SYT17: variants seen among roughly 807,000 people sequenced by gnomAD.
The protein encoded by SYT17 is synaptotagmin 17.
In SYT17, 22 loss-of-function variants were observed where a neutral mutation model predicts 46.7. That is an observed-to-expected ratio of 0.47 (90% confidence interval 0.34 to 0.67). SYT17 has a LOEUF of 0.67. Among genes scored for constraint, SYT17 ranks in the 30% least tolerant of loss-of-function variants. The pLI, the probability that SYT17 is intolerant of heterozygous loss-of-function variation, is 0.01. For missense variants in SYT17, 519 were observed against 612.8 expected (o/e 0.85, Z 1.62); for synonymous variants, 251 against 248.4 (o/e 1.01, Z -0.10).
chr16:19,203,008 C>G (rs1965524193), intron 5 of SYT17, among the ~76,000 whole-genome samples: 1 of 152,164 alleles, frequency 6.6e-6, no homozygotes, highest in South Asian at 2.1e-4. Flanking sequence ...AAGGTCTTTG[C>G]CAGCAACGGG....
intron 7 of SYT17, among the ~76,000 whole-genome samples, chr16:19,241,510 C>T (rs1384557073): frequency 3.9e-5 from 6 of 152,152 alleles, no homozygotes; most frequent in East Asian, 3.9e-4. Flanking sequence ...CATGCTGGAG[C>T]GTGCAGCCCT....
At chr16:19,231,769 C>T (rs190462512) in intron 7 of SYT17, among the ~76,000 whole-genome samples, 1 of 152,224 alleles carries the variant, frequency 6.6e-6, no homozygotes, top group African/African-American at 2.4e-5. Flanking sequence ...CTACTATGTA[C>T]CTGGCACCGT....
chr16:19,215,613 C>T (rs1387262529), intron 5 of SYT17, among the ~76,000 whole-genome samples: 1 of 152,194 alleles, frequency 6.6e-6, no homozygotes, highest in East Asian at 1.9e-4. Context: ...TGGGGCATCT[C>T]ACCATGTTTA....
chr16:19,208,884 CTTTTTTTTTTTT>C (rs1191498524), intron 5 of SYT17, among the ~76,000 whole-genome samples: 5 of 63,284 alleles, frequency 7.9e-5, no homozygotes, highest in East Asian at 3.6e-4. Flanking sequence ...CAAGGACCTT[CTTTTTTTTTTTT>C]TTTTTTTTTT....
chr16:19,256,442 A>ACACACACACG (rs1968571185), intron 7 of SYT17, among the ~76,000 whole-genome samples: 1 of 106,322 alleles, frequency 9.4e-6, no homozygotes, highest in African/African-American at 3.7e-5. Context: ...CTTCAAACAC[A>ACACACACACG]CACACACACA....
Position 19,252,458 on chromosome 16 carries a change from CATATATATAT to C in SYT17, c.1229-14420_1229-14411del, listed in dbSNP as rs1332187945. Among the ~76,000 whole-genome samples the C allele has an allele frequency of 6.9e-4, 4 of 5,802 alleles. 1 individual carries two copies. The highest frequency in any genetic ancestry group is 5.0e-3 in the African/African-American group (3 of 606). 3.8% of individuals were successfully genotyped at this position (5,802 alleles called of 152,430 possible). A position where few individuals can be genotyped will look rare whatever the true frequency, so the allele number is the denominator to read the frequency against. ...ATATACATATATATACACATATATA[CATATATATAT>C]ACATATATATATACATATATATATA... On this transcript the variant is annotated intron_variant, in intron 7 of 7. Transcript: ENST00000355377.
chr16:19,190,699 C>T (rs1964977277), intron 5 of SYT17, among the ~76,000 whole-genome samples: 1 of 151,862 alleles, frequency 6.6e-6, no homozygotes, highest in Non-Finnish European at 1.5e-5. Flanking sequence ...ATAATGTCTT[C>T]AAAGTTCATC....
intron 7 of SYT17, among the ~76,000 whole-genome samples, chr16:19,226,209 G>A (rs751843500): frequency 1.4e-4 from 22 of 152,118 alleles, no homozygotes; most frequent in Non-Finnish European, 2.8e-4. Flanking sequence ...ATAGAATCAG[G>A]ACTCAAGCTC....
chr16:19,210,600 GA>G (rs1965861739), intron 5 of SYT17, among the ~76,000 whole-genome samples: 1 of 151,638 alleles, frequency 6.6e-6, no homozygotes, highest in African/African-American at 2.4e-5. Context: ...CAAAGACTGG[GA>G]AAAAAAGTGA....
chr16:19,221,607 G>T (rs1966321664), intron 5 of SYT17, among the ~76,000 whole-genome samples: 1 of 152,124 alleles, frequency 6.6e-6, no homozygotes, highest in Non-Finnish European at 1.5e-5. Flanking sequence ...CTTTTGGTTT[G>T]ACTGTTCACC....
chr16:19,200,870 A>G (rs1454221734), intron 5 of SYT17, among the ~76,000 whole-genome samples: 1 of 152,202 alleles, frequency 6.6e-6, no homozygotes, highest in Admixed American at 6.5e-5. Flanking sequence ...TGACCCTGTG[A>G]CCTTCCTTAG....
intron 7 of SYT17, among the ~76,000 whole-genome samples, chr16:19,258,568 G>A (rs1968742588): frequency 6.6e-6 from 1 of 152,148 alleles, no homozygotes; most frequent in Non-Finnish European, 1.5e-5. Flanking sequence ...CTTCAACCCG[G>A]GAGGCGGAGG....
At chr16:19,233,100 C>G (rs1596992862) in intron 7 of SYT17, among the ~76,000 whole-genome samples, 1 of 152,298 alleles carries the variant, frequency 6.6e-6, no homozygotes, top group African/African-American at 2.4e-5. Context: ...CTCTACTGTT[C>G]CACCTCCCTC....
intron 5 of SYT17, among the ~76,000 whole-genome samples, chr16:19,207,856 C>G (rs1965732564): frequency 6.6e-6 from 1 of 152,020 alleles, no homozygotes; most frequent in Non-Finnish European, 1.5e-5. Context: ...TGTGATCACA[C>G]CACTGCACTC....
At chr16:19,249,665 G>A (rs866432171) in intron 7 of SYT17, among the ~76,000 whole-genome samples, 2 of 152,194 alleles carry the variant, frequency 1.3e-5, no homozygotes, top group Non-Finnish European at 1.5e-5. Context: ...AAGGTGGAAG[G>A]CATTAAAGGC....
chr16:19,222,850 G>A (rs1175428918), intron 5 of SYT17, among the ~76,000 whole-genome samples, 195 bp from the exon 6 acceptor site: 1 of 152,054 alleles, frequency 6.6e-6, no homozygotes, highest in Non-Finnish European at 1.5e-5. Context: ...ATCTAAGAGC[G>A]GAAAAAACTC....
chr16:19,204,036 G>C (rs1965571612), intron 5 of SYT17, among the ~76,000 whole-genome samples: 1 of 152,142 alleles, frequency 6.6e-6, no homozygotes, highest in South Asian at 2.1e-4. Flanking sequence ...AAATAGGGGA[G>C]GCCCTGGTCA....
intron 6 of SYT17, 145 bp from the exon 7 acceptor site, chr16:19,224,538 G>A: frequency 1.2e-6 from 1 of 818,932 alleles, no homozygotes; most frequent in Non-Finnish European, 1.9e-6. Context: ...GACGGACTAT[G>A]AGATGAATGA....
chr16:19,209,159 G>C (rs1375480283), intron 5 of SYT17, among the ~76,000 whole-genome samples: 2 of 151,984 alleles, frequency 1.3e-5, no homozygotes, highest in African/African-American at 4.8e-5. Flanking sequence ...GCGAGCCACT[G>C]CACCCTGCCA....
Sources: allele counts gnomAD v4.1 joint callset (sites outside exome capture counted in the v4.1 genomes callset), GRCh38; gene constraint gnomAD v4.1.1; transcripts MANE v1.5; gene names NCBI Gene and HGNC (gene_info 2026-07-23, HGNC 2026-07-21).